The following COL4A6 variants were observed in gnomAD, a reference collection of about 807,000 sequenced individuals.
COL4A6 encodes the protein collagen alpha-6(IV) chain.
COL4A6 carries 59 observed loss-of-function variants against 126.7 expected under a neutral mutation model. The ratio of observed to expected loss-of-function variants is 0.47; its 90% CI spans 0.38 to 0.58. The LOEUF is 0.58. COL4A6 is among the 20% of genes least tolerant of loss of function. COL4A6 has a pLI of 0.00. For missense variants in COL4A6, 1,285 were observed against 1,337.3 expected, an observed-to-expected ratio of 0.96 and a Z score of 0.61; for synonymous variants, 547 against 496.6, an observed-to-expected ratio of 1.10 and a Z score of -1.35.
intron 44 of COL4A6, 58 bp from the exon 45 acceptor site, chrX:108,157,318 G>A: frequency 1.7e-6 from 2 of 1,173,040 alleles, no homozygotes; most frequent in Non-Finnish European, 2.3e-6. Context: ...GGTGTGGGGA[G>A]GGGATGGGTG....
intron 2 of COL4A6, among the ~76,000 whole-genome samples, chrX:108,314,463 G>A (rs1376076339): frequency 8.9e-6 from 1 of 111,843 alleles, no homozygotes; most frequent in Non-Finnish European, 1.9e-5. Flanking sequence ...TACTCCCTAA[G>A]TCCCATTCAC....
intron 3 of COL4A6, 79 bp downstream of exon 3, chrX:108,310,669 A>C (rs2038739315): frequency 1.1e-6 from 1 of 899,129 alleles, no homozygotes; most frequent in Non-Finnish European, 1.6e-6. Flanking sequence ...AGTAAATTCT[A>C]AGCAGTTTAT....
intron 5 of COL4A6, among the ~76,000 whole-genome samples, 160 bp from the exon 6 acceptor site, chrX:108,214,388 A>T (rs2035802018): frequency 8.9e-6 from 1 of 112,091 alleles, no homozygotes; most frequent in African/African-American, 3.2e-5. Flanking sequence ...TTTATACTCA[A>T]GCATATGTGT....
At chrX:108,210,236 T>C (rs764522683) in intron 7 of COL4A6, among the ~76,000 whole-genome samples, 24 of 112,614 alleles carry the variant, frequency 2.1e-4, no homozygotes, top group Admixed American at 6.6e-4. Flanking sequence ...TAGCCTTGGC[T>C]GAACAGGATT....
chrX:108,303,788 G>T (rs914770058), intron 3 of COL4A6, among the ~76,000 whole-genome samples: 1 of 111,776 alleles, frequency 8.9e-6, no homozygotes, highest in Non-Finnish European at 1.9e-5. Context: ...AATTTCAGCT[G>T]TCAGGAGCAT....
At chrX:108,259,230 G>A (rs1408254111) in intron 3 of COL4A6, among the ~76,000 whole-genome samples, 1 of 111,194 alleles carries the variant, frequency 9.0e-6, no homozygotes, top group African/African-American at 3.3e-5. Context: ...AAATTAATGG[G>A]CTGCTATTTC....
rs372639510 is a variant in COL4A6 at position 108,289,591 on chromosome X, T to C, written c.144+21157A>G. Among the ~76,000 whole-genome samples the C allele has an allele frequency of 6.3e-5, 7 of 111,469 alleles. No homozygotes were observed. In the East Asian group the frequency reaches 2.0e-3, roughly 31 times the overall value. ...AAAAAACTTCTCTAATTATTGTAGG[T>C]GCAAGCTTTGGTGTTCCTAAAAGGT... On this transcript the variant is annotated intron_variant, in intron 3 of 44. Coordinates refer to ENST00000334504, the MANE Select transcript of COL4A6 (RefSeq NM_033641.4).
chrX:108,179,445 G>A lies in COL4A6; in HGVS notation c.2132-7C>T, dbSNP rs773939928. The A allele has an allele frequency of 2.5e-5, 30 of 1,176,534 alleles. No individual in the cohort carries two copies. The East Asian group carries it at 4.2e-4, about 16-fold the overall frequency. ...CCACGAGGTCCAGGAAATCCTAAAC[G>A]TAAAAAGGCGAACATAAAAGACCAT... On this transcript the variant is annotated splice_region_variant and splice_polypyrimidine_tract_variant and intron_variant, in intron 25 of 44. Transcript: ENST00000334504.
chrX:108,253,672 T>C (rs1371875270), intron 3 of COL4A6, among the ~76,000 whole-genome samples: 1 of 111,552 alleles, frequency 9.0e-6, no homozygotes, highest in Non-Finnish European at 1.9e-5. Flanking sequence ...ACTTGGTGAT[T>C]TGCATGTAAA....
chrX:108,194,470 C>A, intron 16 of COL4A6, 64 bp downstream of exon 16: 1 of 1,031,850 alleles, frequency 9.7e-7, no homozygotes, highest in South Asian at 2.2e-5. Context: ...ATCTTATATA[C>A]AGACATTTGT....
chrX:108,350,169 C>T (rs1210490523), intron 2 of COL4A6, among the ~76,000 whole-genome samples: 1 of 111,801 alleles, frequency 8.9e-6, no homozygotes, highest in Non-Finnish European at 1.9e-5. Flanking sequence ...AACAAAAATG[C>T]TATCATAAAT....
chrX:108,342,935 T>C (rs372290691), intron 2 of COL4A6, among the ~76,000 whole-genome samples: 1 of 109,065 alleles, frequency 9.2e-6, no homozygotes, highest in South Asian at 4.0e-4. Context: ...GGAAAACAAG[T>C]GGGACATGAG....
At chrX:108,408,384 A>G (rs1372521706) in intron 2 of COL4A6, among the ~76,000 whole-genome samples, 1 of 111,272 alleles carries the variant, frequency 9.0e-6, no homozygotes, top group Non-Finnish European at 1.9e-5. Flanking sequence ...AAAGAAAGAA[A>G]GCAAGCTAAG....
rs1439166487 is a variant in COL4A6 at position 108,357,303 on chromosome X, A to G, written c.64-46475T>C. 3.6e-5 allele frequency among the ~76,000 whole-genome samples: 4 copies of G among 111,473 alleles called. No individual in the cohort carries two copies. In the Admixed American group the frequency reaches 3.8e-4, roughly 11 times the overall value. On this transcript the variant is annotated intron_variant, in intron 2 of 44. Transcript: ENST00000334504. Reference sequence around the variant, plus strand: ...CTATGCATGATTCCCCAAACCTGTTACTGATAAGTCTAAGCCTTCTCTGCT... The same window carrying G: ...CTATGCATGATTCCCCAAACCTGTTGCTGATAAGTCTAAGCCTTCTCTGCT...
chrX:108,438,073 T>C, intron 1 of COL4A6, 80 bp from the exon 2 acceptor site: 1 of 1,198,951 alleles, frequency 8.3e-7, no homozygotes, highest in South Asian at 1.8e-5. Flanking sequence ...CGAACCCTTT[T>C]GGATGCCTGC....
chrX:108,263,963 G>C (rs2037233072), intron 3 of COL4A6, among the ~76,000 whole-genome samples: 1 of 111,102 alleles, frequency 9.0e-6, no homozygotes, highest in South Asian at 3.8e-4. Context: ...TATTGTCCTA[G>C]GCAGCCACTC....
intron 3 of COL4A6, among the ~76,000 whole-genome samples, chrX:108,272,074 G>T (rs974953437): frequency 9.0e-6 from 1 of 111,163 alleles, no homozygotes; most frequent in Admixed American, 9.6e-5. Context: ...TATCCAATAG[G>T]TCTTTCACAT....
chrX:108,188,998 C>T (rs112368818), intron 20 of COL4A6, among the ~76,000 whole-genome samples: 2,115 of 112,219 alleles, frequency 0.019, 36 homozygotes, highest in Middle Eastern at 0.046. Flanking sequence ...TGTCTTTTCC[C>T]CTGACTTTTG....
At chrX:108,159,000 C>T (rs905716132) in intron 44 of COL4A6, among the ~76,000 whole-genome samples, 2 of 112,088 alleles carry the variant, frequency 1.8e-5, no homozygotes, top group African/African-American at 6.5e-5. Context: ...ACACAGCATG[C>T]ACTCATCAAA....
Sources: gnomAD v4.1 joint callset for allele counts (sites outside exome capture counted in the v4.1 genomes callset) on GRCh38, gnomAD v4.1.1 for gene constraint, MANE v1.5 for transcripts, NCBI Gene and HGNC (gene_info 2026-07-23, HGNC 2026-07-21) for gene names.